SREK1: variants seen among roughly 807,000 people sequenced by gnomAD.
The protein encoded by SREK1 is splicing regulatory glutamine/lysine-rich protein 1.
Under a neutral mutation model 66.5 loss-of-function variants are expected in SREK1, and 13 were observed. The ratio of observed to expected loss-of-function variants is 0.20; its 90% CI spans 0.13 to 0.31. SREK1 has a LOEUF of 0.31. Ranked by LOEUF, SREK1 falls within the 10% of genes least tolerant of loss-of-function variation. SREK1 has a pLI of 1.00. For missense variants in SREK1, 607 were observed against 769.6 expected, an observed-to-expected ratio of 0.79 and a Z score of 2.50; for synonymous variants, 265 against 263.5, an observed-to-expected ratio of 1.01 and a Z score of -0.05.
At position 66,180,192 on chromosome 5, in the gene SREK1, C is replaced by CT; in HGVS notation, c.*1326dup. 1 of 152,592 alleles carries CT rather than the reference C, an allele frequency of 6.6e-6. No homozygotes were observed. Among genetic ancestry groups the CT allele is most frequent in the East Asian group, 1.9e-4 (1 of 5,180 alleles). 9.5% of individuals were successfully genotyped at this position (152,592 alleles called of 1,614,324 possible). On this transcript the variant is annotated 3_prime_UTR_variant, in exon 12 of 12. Coordinates refer to ENST00000334121, the MANE Select transcript of SREK1 (RefSeq NM_001077199.3). ...TTTAAGATACAGGTCATCCATCATT[C>CT]TTAGGCTCACTTTTTACAGAAAGTA...
intron 7 of SREK1, chr5:66,166,216 C>A (rs1745161414): frequency 6.6e-6 from 1 of 152,046 alleles, no homozygotes; most frequent in African/African-American, 2.4e-5. Flanking sequence ...TAAAGGAGAT[C>A]AAGGAAATAA....
chr5:66,170,917 A>G lies in SREK1; in HGVS notation c.1454A>G (p.Asn485Ser), dbSNP rs1411705342. Residue 485 changes from asparagine (N) to serine (S), a missense_variant, in exon 9 of 12, where the codon AAT becomes AGT. Physicochemically the swap from Asn to Ser is conservative, Grantham distance 46. Around this residue, in one of 5 missense-constraint regions of SREK1, gnomAD observed 318 missense variants for 310.3 expected, o/e 1.02. Transcript: ENST00000334121. ...TCCAGAACACCACCCAGGAGTTACA[A>G]TGCATCGCGAAGATCTCGTAGTTCC... ...KKSRTPPRSY[N>S]ASRRSRSSSR... The G allele has an allele frequency of 1.7e-5, 27 of 1,609,154 alleles. No homozygotes were observed. Among genetic ancestry groups the G allele is most frequent in the Middle Eastern group, 1.7e-4 (1 of 6,034 alleles).
chr5:66,169,836 C>A (rs1046676124), intron 7 of SREK1: 2 of 322,400 alleles, frequency 6.2e-6, no homozygotes, highest in Middle Eastern at 9.3e-4. Context: ...TGAAAATATA[C>A]GAAATAACTG....
chr5:66,146,067 G>A (rs1205503289), intron 1 of SREK1, among the ~76,000 whole-genome samples: 1 of 151,890 alleles, frequency 6.6e-6, no homozygotes, highest in East Asian at 1.9e-4. Flanking sequence ...ATAAGTGCAC[G>A]CACGTACATT....
chr5:66,145,914 A>G lies in SREK1; in HGVS notation c.161+1377A>G, dbSNP rs566897736. ...TCGTGACATTGATATTTTGTTTTGTAGTTCATTTTGTCTTGTAATATGACT... is the reference window on the plus strand; with the variant it reads ...TCGTGACATTGATATTTTGTTTTGTGGTTCATTTTGTCTTGTAATATGACT... On this transcript the variant is annotated intron_variant, in intron 1 of 11. Coordinates refer to ENST00000334121, the MANE Select transcript of SREK1 (RefSeq NM_001077199.3). 3.3e-5 allele frequency among the ~76,000 whole-genome samples: 5 copies of G among 151,376 alleles called. No homozygotes were observed. In the East Asian group the frequency reaches 7.7e-4, roughly 23 times the overall value.
intron 3 of SREK1, among the ~76,000 whole-genome samples, chr5:66,160,841 GAA>G (rs1269600368): frequency 6.6e-6 from 1 of 152,174 alleles, no homozygotes; most frequent in African/African-American, 2.4e-5. Flanking sequence ...AAGTGGAAAT[GAA>G]AAGAGTTGTG....
At chr5:66,151,235 T>G (rs962208102) in intron 1 of SREK1, among the ~76,000 whole-genome samples, 1 of 152,176 alleles carries the variant, frequency 6.6e-6, no homozygotes, top group Non-Finnish European at 1.5e-5. Flanking sequence ...CCAGCCATCT[T>G]TTGAATGTTG....
At chr5:66,158,433 T>TC (rs1005528949) in intron 2 of SREK1, 2 of 153,176 alleles carry the variant, frequency 1.3e-5, no homozygotes, top group African/African-American at 4.8e-5. Flanking sequence ...ACTTTTTTTT[T>TC]CCTGAAACAT....
At chr5:66,167,425 A>G (rs1745264897) in intron 7 of SREK1, 1 of 152,208 alleles carries the variant, frequency 6.6e-6, no homozygotes, top group Admixed American at 6.5e-5. Flanking sequence ...ATGAACTTTG[A>G]TGCAGCATAA....
intron 11 of SREK1, among the ~76,000 whole-genome samples, chr5:66,177,981 G>A (rs1746200046): frequency 6.6e-6 from 1 of 152,012 alleles, no homozygotes; most frequent in Non-Finnish European, 1.5e-5. Flanking sequence ...TTATGTTTCA[G>A]CAAGTTTGAA....
At chr5:66,167,914 A>G (rs1362223910) in intron 7 of SREK1, 2 of 152,220 alleles carry the variant, frequency 1.3e-5, no homozygotes, top group African/African-American at 2.4e-5. Flanking sequence ...CTATGTGGAT[A>G]TCTGTAAACG....
chr5:66,175,098 A>G, intron 10 of SREK1, 57 bp downstream of exon 10: 1 of 1,353,490 alleles, frequency 7.4e-7, no homozygotes, highest in Non-Finnish European at 1.0e-6. Context: ...TATTTTTTGA[A>G]ATTTTAAATT....
rs566773859 is a variant in SREK1, at chr5:66,173,970, TTATA to T, written c.1485-971_1485-968del. Among the ~76,000 whole-genome samples the T allele has an allele frequency of 9.7e-4, 147 of 152,278 alleles. 1 individual carries two copies. Among genetic ancestry groups the T allele is most frequent in the Middle Eastern group, 3.4e-3 (1 of 294 alleles). On this transcript the variant is annotated intron_variant, in intron 9 of 11. Transcript: ENST00000334121. ...CTTGAGCTTTGTATTTTAATACATATTATATATACCGTGTGAGCATTTTTTATTT... is the reference window on the plus strand; with the variant it reads ...CTTGAGCTTTGTATTTTAATACATATTATACCGTGTGAGCATTTTTTATTT...
chr5:66,178,673 GTTC>G, intron 11 of SREK1, 43 bp from the exon 12 acceptor site: 1 of 1,490,790 alleles, frequency 6.7e-7, no homozygotes, highest in Non-Finnish European at 9.0e-7. Context: ...ATAGCAGGCA[GTTC>G]TTGAGGAAAA....
intron 1 of SREK1, among the ~76,000 whole-genome samples, chr5:66,149,376 G>T (rs1283348865): frequency 3.3e-5 from 5 of 151,852 alleles, no homozygotes; most frequent in Admixed American, 1.3e-4. Flanking sequence ...GAAAAGAAAA[G>T]AAAATTGCTT....
rs1746661957 is a variant in SREK1 at position 66,183,477 on chromosome 5, G to GTAT, written c.*4609_*4610insTAT. On this transcript the variant is annotated 3_prime_UTR_variant, in exon 12 of 12. Transcript: ENST00000334121. ...GTTAGATTATCAAGGGAAGAGTTTG[G>GTAT]AATGTAAACATAAACATGCTGCATA... is the stretch of plus-strand genomic sequence containing the variant. 3 of 152,238 alleles carry GTAT rather than the reference G, an allele frequency of 2.0e-5. No individual in the cohort carries two copies. The highest frequency in any genetic ancestry group is 7.2e-5 in the African/African-American group (3 of 41,560). 9.4% of individuals were successfully genotyped at this position (152,238 alleles called of 1,614,324 possible).
chr5:66,153,629 AT>A (rs1166347184), intron 2 of SREK1, 33 bp downstream of exon 2: 1 of 1,613,536 alleles, frequency 6.2e-7, no homozygotes, highest in African/African-American at 1.3e-5. Context: ...TCTTATTTGA[AT>A]TTCTGTCCTG....
intron 9 of SREK1, among the ~76,000 whole-genome samples, chr5:66,171,360 G>A (rs1314912129): frequency 1.3e-5 from 2 of 152,088 alleles, no homozygotes; most frequent in African/African-American, 4.8e-5. Context: ...TGTCACCTAA[G>A]TTAATTTTTA....
At position 66,181,974 on chromosome 5, in the gene SREK1, A is replaced by G. The variant is rs1314031901; in HGVS notation, c.*3106A>G. 3.4e-5 allele frequency: 5 copies of G among 147,970 alleles called. No individual in the cohort carries two copies. The highest frequency in any genetic ancestry group is 7.5e-5 in the African/African-American group (3 of 40,262). 9.2% of individuals were successfully genotyped at this position (147,970 alleles called of 1,614,324 possible). On this transcript the variant is annotated 3_prime_UTR_variant, in exon 12 of 12. Transcript: ENST00000334121. ...AAGACCTTCAGTCATTCCTATGTCT[A>G]TGTTGCTATCTTTATTTTAAAACTT...
Sources: allele counts gnomAD v4.1 joint callset (sites outside exome capture counted in the v4.1 genomes callset), GRCh38; gene constraint gnomAD v4.1.1; regional missense constraint gnomAD v4.1.1; transcripts MANE v1.5; gene names NCBI Gene and HGNC (gene_info 2026-07-23, HGNC 2026-07-21).